The following STPG2 variants were observed in gnomAD, a reference collection of about 807,000 sequenced individuals.
STPG2 encodes the protein sperm tail PG-rich repeat containing 2, also known as sperm-tail PG-rich repeat-containing protein 2.
A neutral mutation model predicts 54.2 loss-of-function variants in STPG2; 56 were observed. That is an observed-to-expected ratio of 1.03 (90% CI 0.83 to 1.29). The LOEUF is 1.29. Ranked by LOEUF, STPG2 falls within the 50% of genes most tolerant of loss-of-function variation. The pLI is 0.00. For missense variants in STPG2, 596 were observed against 544.9 expected, an observed-to-expected ratio of 1.09 and a Z score of -0.93; for synonymous variants, 200 against 181.8, an observed-to-expected ratio of 1.10 and a Z score of -0.81.
chr4:98,124,527 G>A (rs1317441745), intron 3 of STPG2, among the ~76,000 whole-genome samples: 1 of 152,136 alleles, frequency 6.6e-6, no homozygotes, highest in Non-Finnish European at 1.5e-5. Context: ...TAGCTTGTAG[G>A]GTTTCTGCTG....
At chr4:98,058,022 C>G (rs1160352741) in intron 5 of STPG2, among the ~76,000 whole-genome samples, 3 of 152,154 alleles carry the variant, frequency 2.0e-5, no homozygotes, top group Non-Finnish European at 4.4e-5. Context: ...TTTGTTACCA[C>G]CAGACCTGCC....
At chr4:97,776,057 C>T (rs1726364782) in intron 9 of STPG2, among the ~76,000 whole-genome samples, 1 of 152,100 alleles carries the variant, frequency 6.6e-6, no homozygotes, top group African/African-American at 2.4e-5. Context: ...CTACTGCATC[C>T]AGCTAATTAT....
chr4:97,768,666 T>A (rs1342530745), intron 9 of STPG2, among the ~76,000 whole-genome samples: 1 of 151,694 alleles, frequency 6.6e-6, no homozygotes, highest in Non-Finnish European at 1.5e-5. Context: ...CACATTCTCA[T>A]AGACTGGCCA....
intron 10 of STPG2, among the ~76,000 whole-genome samples, chr4:97,632,886 TC>T (rs1721338213): frequency 1.3e-5 from 2 of 152,284 alleles, no homozygotes; most frequent in South Asian, 4.1e-4. Context: ...TATCAATTAT[TC>T]ATTCAACAAC....
intron 9 of STPG2, among the ~76,000 whole-genome samples, chr4:97,811,919 G>C (rs1407222599): frequency 6.6e-6 from 1 of 152,008 alleles, no homozygotes; most frequent in African/African-American, 2.4e-5. Context: ...GAAGTGTTCT[G>C]TAATGGATTC....
At chr4:97,811,821 T>C (rs1024243500) in intron 9 of STPG2, among the ~76,000 whole-genome samples, 2 of 151,906 alleles carry the variant, frequency 1.3e-5, no homozygotes, top group South Asian at 2.1e-4. Context: ...CATGCCAGTG[T>C]GCAAGGGTAA....
At chr4:97,739,465 A>G (rs1363929219) in intron 9 of STPG2, among the ~76,000 whole-genome samples, 1 of 152,234 alleles carries the variant, frequency 6.6e-6, no homozygotes, top group Non-Finnish European at 1.5e-5. Flanking sequence ...ATAGATTGCT[A>G]GCAAGACTAA....
chr4:97,976,555 T>C (rs562936541), intron 6 of STPG2, among the ~76,000 whole-genome samples: 2 of 152,128 alleles, frequency 1.3e-5, no homozygotes, highest in African/African-American at 4.8e-5. Flanking sequence ...CCAGATCAGA[T>C]CTGCTATGGG....
chr4:97,837,610 C>G (rs967980752), intron 9 of STPG2, among the ~76,000 whole-genome samples: 1 of 151,562 alleles, frequency 6.6e-6, no homozygotes, highest in African/African-American at 2.4e-5. Flanking sequence ...TTAGACAATT[C>G]TAACGTGTTT....
At chr4:97,803,646 T>G (rs1043014374) in intron 9 of STPG2, among the ~76,000 whole-genome samples, 1 of 152,178 alleles carries the variant, frequency 6.6e-6, no homozygotes, top group Non-Finnish European at 1.5e-5. Context: ...GTTCAAGCGA[T>G]TCTCCTGCCT....
intron 9 of STPG2, among the ~76,000 whole-genome samples, chr4:97,836,453 ATAGTATAGTC>A (rs1172453543): frequency 6.6e-6 from 1 of 151,932 alleles, no homozygotes; most frequent in Admixed American, 6.6e-5. Context: ...TTAATAGACT[ATAGTATAGTC>A]TAAACATATT....
chr4:97,561,663 A>G (rs1018571865), intron 10 of STPG2, among the ~76,000 whole-genome samples: 7 of 151,878 alleles, frequency 4.6e-5, no homozygotes, highest in Non-Finnish European at 1.0e-4. Flanking sequence ...GCATATGGCT[A>G]GCCAGTTTTC....
At chr4:97,595,621 A>G (rs150359132) in intron 10 of STPG2, among the ~76,000 whole-genome samples, 357 of 151,442 alleles carry the variant, frequency 2.4e-3, no homozygotes, top group African/African-American at 8.2e-3. Context: ...ACAAAAAAAG[A>G]AAAAAAAAGA....
intron 10 of STPG2, among the ~76,000 whole-genome samples, chr4:97,609,521 T>C (rs1733682392): frequency 6.6e-6 from 1 of 151,960 alleles, no homozygotes; most frequent in Non-Finnish European, 1.5e-5. Flanking sequence ...AGTATCATCA[T>C]AACATCCTGA....
intron 9 of STPG2, among the ~76,000 whole-genome samples, chr4:97,744,537 A>G (rs935035824): frequency 6.6e-6 from 1 of 151,294 alleles, no homozygotes; most frequent in African/African-American, 2.4e-5. Context: ...TCTTATTACT[A>G]TATATTAGTC....
chr4:97,538,351 C>T (rs937069711), intron 4 of STPG2, among the ~76,000 whole-genome samples: 1 of 152,118 alleles, frequency 6.6e-6, no homozygotes, highest in Admixed American at 6.5e-5. Flanking sequence ...CTTAAATAAC[C>T]TAATGGAGCT....
chr4:97,480,312 AC>A (rs1730186626), intron 4 of STPG2, among the ~76,000 whole-genome samples: 1 of 151,620 alleles, frequency 6.6e-6, no homozygotes, highest in African/African-American at 2.4e-5. Flanking sequence ...TTTCCGGTTT[AC>A]CCATTTAAAA....
At chr4:98,033,485 C>A (rs1736668713) in intron 5 of STPG2, among the ~76,000 whole-genome samples, 1 of 151,962 alleles carries the variant, frequency 6.6e-6, no homozygotes, top group Non-Finnish European at 1.5e-5. Context: ...AAAAAATGTC[C>A]AGGACCAGAT....
intron 4 of STPG2, among the ~76,000 whole-genome samples, chr4:97,544,874 A>G (rs956210454): frequency 3.5e-4 from 54 of 152,132 alleles, no homozygotes; most frequent in Non-Finnish European, 6.8e-4. Context: ...CAAAGTCTAA[A>G]TCTAGGTAAA....
Sources: gnomAD v4.1 joint callset for allele counts (sites outside exome capture counted in the v4.1 genomes callset) on GRCh38, gnomAD v4.1.1 for gene constraint, MANE v1.5 for transcripts, NCBI Gene and HGNC (gene_info 2026-07-23, HGNC 2026-07-21) for gene names.